Variants in MSI2 observed in about 807,000 individuals in gnomAD.
MSI2 encodes RNA-binding protein Musashi homolog 2.
Under a neutral mutation model 45.6 loss-of-function variants are expected in MSI2, and 17 were observed. That is an observed-to-expected ratio of 0.37 (90% confidence interval 0.26 to 0.56). MSI2 has a LOEUF of 0.56. Among genes scored for constraint, MSI2 ranks in the 20% least tolerant of loss-of-function variants. The probability of loss-of-function intolerance (pLI) is 0.77; values close to 1 mark genes in which losing one functional copy is unlikely to be tolerated. For synonymous variants in MSI2, 156 were observed against 158.2 expected (o/e 0.99, Z 0.11); for missense variants, 293 against 444.2 (o/e 0.66, Z 3.06).
chr17:57,283,483 G>A (rs1342876877), intron 5 of MSI2, among the ~76,000 whole-genome samples: 1 of 152,142 alleles, frequency 6.6e-6, no homozygotes, highest in Non-Finnish European at 1.5e-5. Flanking sequence ...TTATAGATGT[G>A]TTTGAGATGG....
At chr17:57,346,359 G>C (rs900806308) in intron 5 of MSI2, among the ~76,000 whole-genome samples, 1 of 134,084 alleles carries the variant, frequency 7.5e-6, no homozygotes, top group Admixed American at 7.5e-5. Context: ...GGGGGGGGGG[G>C]TCTGATTTTT....
chr17:57,348,819 G>T (rs1356123529), intron 5 of MSI2, among the ~76,000 whole-genome samples: 1 of 152,178 alleles, frequency 6.6e-6, no homozygotes, highest in Non-Finnish European at 1.5e-5. Context: ...GACATTCTTA[G>T]GTTGGTGTCC....
chr17:57,543,527 C>G (rs1598384712), intron 7 of MSI2, among the ~76,000 whole-genome samples: 1 of 151,664 alleles, frequency 6.6e-6, no homozygotes. Context: ...GCTTACAGAT[C>G]GAGTTCTAAA....
chr17:57,325,534 T>C (rs528279173), intron 5 of MSI2, among the ~76,000 whole-genome samples: 33 of 152,172 alleles, frequency 2.2e-4, no homozygotes, highest in Non-Finnish European at 4.6e-4. Flanking sequence ...AGCAAATGAG[T>C]GTGGGCTGTC....
intron 5 of MSI2, among the ~76,000 whole-genome samples, chr17:57,340,983 C>G (rs920966149): frequency 6.6e-6 from 1 of 152,164 alleles, no homozygotes; most frequent in African/African-American, 2.4e-5. Context: ...CATTGCTCCC[C>G]CGGTATCCAT....
At chr17:57,418,663 A>T (rs1024095068) in intron 6 of MSI2, among the ~76,000 whole-genome samples, 1 of 152,226 alleles carries the variant, frequency 6.6e-6, no homozygotes, top group African/African-American at 2.4e-5. Context: ...CTTGCTCGTC[A>T]TGCAACACTT....
intron 5 of MSI2, among the ~76,000 whole-genome samples, chr17:57,374,271 G>T (rs1265711579): frequency 6.6e-6 from 1 of 152,194 alleles, no homozygotes; most frequent in Non-Finnish European, 1.5e-5. Context: ...GGCATAAGTG[G>T]TATGTGGTAG....
intron 5 of MSI2, among the ~76,000 whole-genome samples, chr17:57,360,197 T>G (rs1484720630): frequency 6.6e-6 from 1 of 152,168 alleles, no homozygotes; most frequent in Non-Finnish European, 1.5e-5. Flanking sequence ...TAGACTGCAG[T>G]TTTAGGACTT....
the MSI2 span, among the ~76,000 whole-genome samples, chr17:57,699,350 TA>T: frequency 2.0e-5 from 3 of 151,372 alleles, no homozygotes; most frequent in African/African-American, 4.9e-5. Context: ...TCTTCCTCAC[TA>T]GAGTCATTTG....
chr17:57,531,673 G>T (rs1350815584), intron 7 of MSI2: 1 of 152,178 alleles, frequency 6.6e-6, no homozygotes, highest in Admixed American at 6.5e-5. Context: ...GAAAATCAGT[G>T]AAAGTATTTT....
intron 7 of MSI2, among the ~76,000 whole-genome samples, chr17:57,581,197 G>A (rs1290248327): frequency 2.0e-5 from 3 of 151,940 alleles, no homozygotes; most frequent in African/African-American, 4.8e-5. Flanking sequence ...ATTTTTAGTA[G>A]AGATGGGGTT....
chr17:57,586,949 A>T (rs1257996124), intron 7 of MSI2, among the ~76,000 whole-genome samples: 1 of 152,018 alleles, frequency 6.6e-6, no homozygotes, highest in African/African-American at 2.4e-5. Context: ...TATGGTCTCC[A>T]CTTAGCTTGT....
At chr17:57,660,286 C>T (rs1010615634) in intron 11 of MSI2, among the ~76,000 whole-genome samples, 1 of 152,178 alleles carries the variant, frequency 6.6e-6, no homozygotes, top group African/African-American at 2.4e-5. Flanking sequence ...TAGGAAGAGT[C>T]CAGAGCTTTG....
At chr17:57,342,969 A>G (rs1344027855) in intron 5 of MSI2, among the ~76,000 whole-genome samples, 2 of 152,190 alleles carry the variant, frequency 1.3e-5, no homozygotes, top group Non-Finnish European at 2.9e-5. Flanking sequence ...AATACCAGTT[A>G]AAGAGTTCTG....
intron 5 of MSI2, among the ~76,000 whole-genome samples, chr17:57,346,197 A>T (rs1272899648): frequency 6.6e-6 from 1 of 152,224 alleles, no homozygotes; most frequent in Admixed American, 6.5e-5. Context: ...ACTTTACATC[A>T]TTACTATAAA....
chr17:57,604,825 G>C (rs1349491257), intron 8 of MSI2, among the ~76,000 whole-genome samples: 1 of 152,026 alleles, frequency 6.6e-6, no homozygotes, highest in Non-Finnish European at 1.5e-5. Flanking sequence ...CGCAGGCTAG[G>C]GTCGGCTTCT....
At chr17:57,666,264 G>A (rs918206472) in intron 11 of MSI2, among the ~76,000 whole-genome samples, 1 of 152,218 alleles carries the variant, frequency 6.6e-6, no homozygotes, top group Non-Finnish European at 1.5e-5. Context: ...GAGACACTGT[G>A]TGGCATTGGA....
intron 10 of MSI2, chr17:57,631,831 G>C (rs781589123): frequency 6.2e-7 from 1 of 1,613,524 alleles, no homozygotes; most frequent in South Asian, 1.1e-5. Context: ...TTATCAACTA[G>C]CTCTTAAGAG....
At chr17:57,570,355 T>C (rs906763397) in intron 7 of MSI2, among the ~76,000 whole-genome samples, 1 of 152,132 alleles carries the variant, frequency 6.6e-6, no homozygotes, top group African/African-American at 2.4e-5. Flanking sequence ...TAAAGCAGTA[T>C]TCATGGAAGG....
Sources: gnomAD v4.1 joint callset for allele counts (sites outside exome capture counted in the v4.1 genomes callset) on GRCh38, gnomAD v4.1.1 for gene constraint, MANE v1.5 for transcripts, NCBI Gene and HGNC (gene_info 2026-07-23, HGNC 2026-07-21) for gene names.